The following PATJ variants were observed in gnomAD, a reference collection of about 807,000 sequenced individuals.
PATJ encodes the protein inaD-like protein.
Under a neutral mutation model 224.9 loss-of-function variants are expected in PATJ, and 190 were observed. That is an observed-to-expected ratio of 0.84 (90% CI 0.75 to 0.95). The LOEUF (loss-of-function observed/expected upper bound fraction) is 0.95, where lower values mean the gene tolerates loss of function less well. Among genes scored for constraint, PATJ ranks in the 40% least tolerant of loss-of-function variants. The pLI is 0.00. For synonymous variants in PATJ, 769 were observed against 820.3 expected (o/e 0.94, Z 1.07); for missense variants, 2,121 against 2,270.3 (o/e 0.93, Z 1.34).
intron 42 of PATJ, among the ~76,000 whole-genome samples, chr1:62,149,366 T>C (rs1298334935): frequency 6.6e-6 from 1 of 152,148 alleles, no homozygotes; most frequent in African/African-American, 2.4e-5. Context: ...AGGTGCTCAA[T>C]AAATGTTTGT....
Position 61,769,289 on chromosome 1 carries a change from C to A in PATJ, c.391C>A (p.Gln131Lys). ...TTTAACGCTCCTTCATTAGGGCCGG[C>A]AAATTGAATATATAGATATAGAACG... ...SVIQQMAQGR[Q>K]IEYIDIERPS... Residue 131 changes from glutamine to lysine, a missense_variant, in exon 5 of 44, where the codon CAA becomes AAA. By Grantham distance (53) the Gln-to-Lys change is moderately conservative. Transcript: ENST00000642238. 6.2e-7 allele frequency: 1 copy of A among 1,601,784 alleles called. No homozygotes were observed. The highest frequency in any genetic ancestry group is 1.8e-5 in the Admixed American group (1 of 57,060).
chr1:62,117,381 G>A (rs1664555814), intron 37 of PATJ, 163 bp downstream of exon 37: 2 of 1,417,482 alleles, frequency 1.4e-6, no homozygotes, highest in African/African-American at 1.5e-5. Context: ...ATGAAAGGTG[G>A]GATGGAAATT....
intron 6 of PATJ, among the ~76,000 whole-genome samples, chr1:61,774,016 A>T (rs1044448625): frequency 6.8e-6 from 1 of 146,972 alleles, no homozygotes; most frequent in Non-Finnish European, 1.5e-5. Context: ...GCTACTCGGG[A>T]GGCTGAGGCA....
At chr1:62,001,191 T>C (rs1195954373) in intron 28 of PATJ, among the ~76,000 whole-genome samples, 1 of 151,208 alleles carries the variant, frequency 6.6e-6, no homozygotes, top group African/African-American at 2.4e-5. Flanking sequence ...CTCTTTAGTT[T>C]AATTAGATCC....
At chr1:61,750,553 T>C (rs189276532) in intron 1 of PATJ, among the ~76,000 whole-genome samples, 1 of 151,074 alleles carries the variant, frequency 6.6e-6, no homozygotes, top group Non-Finnish European at 1.5e-5. Context: ...CTCCTGGTAC[T>C]ATTACTACTG....
At chr1:62,010,117 T>G (rs1169842004) in intron 28 of PATJ, among the ~76,000 whole-genome samples, 3 of 150,028 alleles carry the variant, frequency 2.0e-5, no homozygotes, top group Non-Finnish European at 3.0e-5. Context: ...AAGAAACCAG[T>G]TTCTTTGCTC....
chr1:61,886,741 A>C (rs1483074955), intron 22 of PATJ, among the ~76,000 whole-genome samples: 1 of 150,316 alleles, frequency 6.7e-6, no homozygotes, highest in East Asian at 1.9e-4. Flanking sequence ...AATCACTTGA[A>C]CCTGGGAGGT....
At chr1:62,042,647 G>A (rs1243031350) in intron 30 of PATJ, among the ~76,000 whole-genome samples, 1 of 151,956 alleles carries the variant, frequency 6.6e-6, no homozygotes, top group Admixed American at 6.6e-5. Flanking sequence ...TGCTTATTGA[G>A]CTATTTTTTT....
chr1:61,990,742 AG>A (rs1228088085), intron 28 of PATJ, among the ~76,000 whole-genome samples: 1 of 151,994 alleles, frequency 6.6e-6, no homozygotes, highest in Admixed American at 6.6e-5. Flanking sequence ...GTGGTTCTTC[AG>A]TTTTTTGGGG....
Position 62,056,343 on chromosome 1 carries a change from A to G in PATJ, c.4125+5285A>G, listed in dbSNP as rs28658146. On this transcript the variant is annotated intron_variant, in intron 31 of 43. Coordinates refer to ENST00000642238, the MANE Select transcript of PATJ (RefSeq NM_001350145.3). The stretch of plus-strand genomic sequence containing the variant: ...TATATAGTAGTATCATTTCCATGTA[A>G]GAGATAAAGCACTGAAATGTTAAAT... 4.1e-4 allele frequency among the ~76,000 whole-genome samples: 62 copies of G among 152,278 alleles called. 1 individual carries two copies. The highest frequency in any genetic ancestry group is 1.5e-3 in the African/African-American group (61 of 41,564).
intron 27 of PATJ, among the ~76,000 whole-genome samples, chr1:61,945,075 A>G (rs1217052131): frequency 2.6e-5 from 4 of 152,240 alleles, no homozygotes; most frequent in Non-Finnish European, 5.9e-5. Flanking sequence ...TCCTGAAGGA[A>G]GCACTAAACA....
intron 33 of PATJ, among the ~76,000 whole-genome samples, chr1:62,097,054 C>G (rs1318501204): frequency 6.6e-6 from 1 of 152,136 alleles, no homozygotes; most frequent in Non-Finnish European, 1.5e-5. Context: ...TCCTGAAAAT[C>G]TAAAAGGGGG....
chr1:61,908,871 A>G (rs1172306888), intron 25 of PATJ, among the ~76,000 whole-genome samples: 1 of 152,224 alleles, frequency 6.6e-6, no homozygotes, highest in Non-Finnish European at 1.5e-5. Context: ...TGTTGTGTAT[A>G]TTTATTAAAG....
chr1:62,158,457 C>T (rs983577390), intron 43 of PATJ, among the ~76,000 whole-genome samples: 1 of 148,472 alleles, frequency 6.7e-6, no homozygotes, highest in Non-Finnish European at 1.5e-5. Context: ...CGGTGGCTCA[C>T]ACCTGTAATC....
chr1:61,860,631 G>C (rs1180543212), intron 18 of PATJ, among the ~76,000 whole-genome samples: 1 of 152,094 alleles, frequency 6.6e-6, no homozygotes, highest in African/African-American at 2.4e-5. Context: ...TTCAAGACCA[G>C]CCTGCCCAAC....
At chr1:61,996,292 A>C (rs1306533579) in intron 28 of PATJ, among the ~76,000 whole-genome samples, 2 of 152,250 alleles carry the variant, frequency 1.3e-5, no homozygotes, top group African/African-American at 4.8e-5. Flanking sequence ...TGACTGGCCC[A>C]GGTATACATG....
At chr1:62,130,317 G>C (rs1666127708) in intron 41 of PATJ, among the ~76,000 whole-genome samples, 1 of 152,198 alleles carries the variant, frequency 6.6e-6, no homozygotes, top group African/African-American at 2.4e-5. Flanking sequence ...CTGGGCAGCA[G>C]AGTGAGACCC....
intron 28 of PATJ, chr1:61,991,407 T>C (rs903269839): frequency 1.4e-6 from 1 of 701,124 alleles, no homozygotes; most frequent in Admixed American, 6.3e-5. Context: ...AGCTAAATCA[T>C]GGAGACACTG....
intron 41 of PATJ, among the ~76,000 whole-genome samples, chr1:62,140,743 C>T (rs146042781): frequency 9.9e-5 from 15 of 151,830 alleles, no homozygotes; most frequent in African/African-American, 3.1e-4. Flanking sequence ...AAAGGATAAT[C>T]TCTTTCTAAA....
Sources: gnomAD v4.1 joint callset for allele counts (sites outside exome capture counted in the v4.1 genomes callset) on GRCh38, gnomAD v4.1.1 for gene constraint, MANE v1.5 for transcripts, NCBI Gene and HGNC (gene_info 2026-07-23, HGNC 2026-07-21) for gene names.